SLC5A4: variants seen among roughly 807,000 people sequenced by gnomAD.
SLC5A4 encodes probable glucose sensor protein SLC5A4.
A neutral mutation model predicts 70.3 loss-of-function variants in SLC5A4; 55 were observed. The observed-to-expected ratio is 0.78, with a 90% CI of 0.63 to 0.98. SLC5A4 has a LOEUF of 0.98. SLC5A4 is among the 50% of genes least tolerant of loss of function. The pLI, the probability that SLC5A4 is intolerant of heterozygous loss-of-function variation, is 0.00. For synonymous variants in SLC5A4, 268 were observed against 305.7 expected (o/e 0.88, Z 1.29); for missense variants, 735 against 839.2 (o/e 0.88, Z 1.53).
At chr22:32,255,802 G>A (rs1481170663), upstream of SLC5A4, among the ~76,000 whole-genome samples, 1 of 152,168 alleles carries the variant, frequency 6.6e-6, no homozygotes, top group Non-Finnish European at 1.5e-5. Flanking sequence ...GGATTCCAAA[G>A]TCCCACATTT....
the SLC5A4 span, among the ~76,000 whole-genome samples, chr22:32,331,983 T>C: frequency 6.6e-6 from 1 of 152,052 alleles, no homozygotes; most frequent in Non-Finnish European, 1.5e-5. Flanking sequence ...CCCAGGCTGC[T>C]CAGCCCAGGG....
At chr22:32,312,327 C>A in the SLC5A4 span, among the ~76,000 whole-genome samples, 354 of 151,166 alleles carry the variant, frequency 2.3e-3, 1 homozygote, top group African/African-American at 8.1e-3. Flanking sequence ...TAAAAACCAA[C>A]CAACCAAACA....
chr22:32,338,063 T>A, the SLC5A4 span, among the ~76,000 whole-genome samples: 1 of 152,340 alleles, frequency 6.6e-6, no homozygotes, highest in African/African-American at 2.4e-5. Flanking sequence ...CTTGTTTTAA[T>A]GCAAATTAGG....
chr22:32,243,711 T>C (rs1926662732), intron 5 of SLC5A4, among the ~76,000 whole-genome samples: 1 of 152,168 alleles, frequency 6.6e-6, no homozygotes, highest in African/African-American at 2.4e-5. Flanking sequence ...TATGTAACAA[T>C]TTCAAATAGT....
At chr22:32,220,718 C>T (rs1242150383) in intron 14 of SLC5A4, among the ~76,000 whole-genome samples, 1 of 152,154 alleles carries the variant, frequency 6.6e-6, no homozygotes, top group Non-Finnish European at 1.5e-5. Flanking sequence ...GATGGGTGGA[C>T]AAACCAACCA....
At chr22:32,338,214 C>A in the SLC5A4 span, among the ~76,000 whole-genome samples, 1 of 152,170 alleles carries the variant, frequency 6.6e-6, no homozygotes, top group Non-Finnish European at 1.5e-5. Context: ...CACCAAGGAA[C>A]TGAAACGTGG....
At chr22:32,312,431 TGGAG>T in the SLC5A4 span, among the ~76,000 whole-genome samples, 2 of 151,810 alleles carry the variant, frequency 1.3e-5, no homozygotes, top group Non-Finnish European at 2.9e-5. Context: ...GGGCCGCTAT[TGGAG>T]GGAGCAGGGG....
At position 32,225,956 on chromosome 22, in the gene SLC5A4, A is replaced by T. The variant is rs1445263904; in HGVS notation, c.1281-133T>A. On this transcript the variant is annotated intron_variant, in intron 11 of 14. Transcript: ENST00000266086. ...ACAAAATCAAGCTCCTTGATCATAC[A>T]TAAACCCATGCTGTGCTTAATGGTG... The T allele has an allele frequency of 4.9e-6, 3 of 611,248 alleles. No individual in the cohort carries two copies. In the African/African-American group the frequency reaches 5.6e-5, roughly 11 times the overall value. 37.9% of individuals were successfully genotyped at this position (611,248 alleles called of 1,614,324 possible).
At chr22:32,322,322 G>A in the SLC5A4 span, among the ~76,000 whole-genome samples, 1 of 152,210 alleles carries the variant, frequency 6.6e-6, no homozygotes, top group Non-Finnish European at 1.5e-5. Flanking sequence ...AGGGGCAGTG[G>A]CTCACGCCTG....
chr22:32,324,432 C>G, the SLC5A4 span, among the ~76,000 whole-genome samples: 4 of 152,124 alleles, frequency 2.6e-5, no homozygotes, highest in South Asian at 2.1e-4. Flanking sequence ...ACCAACAGGA[C>G]TCTTACCGCT....
chr22:32,252,002 G>T (rs978736630), intron 2 of SLC5A4, 128 bp from the exon 3 acceptor site: 12 of 630,386 alleles, frequency 1.9e-5, no homozygotes, highest in Non-Finnish European at 3.4e-5. Flanking sequence ...GGCTGAGGCG[G>T]GTGGATCACA....
chr22:32,306,267 C>T, the SLC5A4 span, among the ~76,000 whole-genome samples: 1 of 152,072 alleles, frequency 6.6e-6, no homozygotes, highest in African/African-American at 2.4e-5. Flanking sequence ...AGATCGAGAC[C>T]ATCCTAGCTA....
At chr22:32,269,919 C>A in the SLC5A4 span, 1 of 544,484 alleles carries the variant, frequency 1.8e-6, no homozygotes, top group Non-Finnish European at 3.6e-6. This position sits in a 1 kb window ranked among gnomAD's most constrained non-coding sequence, Gnocchi z 4.1. Context: ...CCAGCGTCCT[C>A]ACCACCAGCA....
At chr22:32,301,842 CAA>C in the SLC5A4 span, among the ~76,000 whole-genome samples, 97 of 147,902 alleles carry the variant, frequency 6.6e-4, 1 homozygote, top group East Asian at 2.6e-3. Context: ...ATTTAAAGTA[CAA>C]AAAAAAAAAA....
the SLC5A4 span, among the ~76,000 whole-genome samples, chr22:32,326,388 T>C: frequency 6.6e-6 from 1 of 151,578 alleles, no homozygotes; most frequent in Admixed American, 6.6e-5. Flanking sequence ...TCCCAAGTAG[T>C]AGGGATTACA....
At chr22:32,318,828 A>G in the SLC5A4 span, among the ~76,000 whole-genome samples, 322 of 152,126 alleles carry the variant, frequency 2.1e-3, 5 homozygotes, top group African/African-American at 7.3e-3. Context: ...TCCCTGTCCT[A>G]TTCCTCACTC....
the SLC5A4 span, among the ~76,000 whole-genome samples, chr22:32,336,896 G>A: frequency 2.6e-5 from 4 of 152,196 alleles, no homozygotes; most frequent in Non-Finnish European, 4.4e-5. Context: ...CATGGCCTAC[G>A]GCCAGCCTTC....
intron 2 of SLC5A4, among the ~76,000 whole-genome samples, chr22:32,253,237 A>C (rs1189542578): frequency 6.6e-6 from 1 of 152,098 alleles, no homozygotes; most frequent in Non-Finnish European, 1.5e-5. Flanking sequence ...CTGGGCTGAC[A>C]CTCTCCAGGT....
intron 5 of SLC5A4, among the ~76,000 whole-genome samples, chr22:32,239,564 ATATATT>A (rs1926347529): frequency 4.5e-4 from 9 of 20,086 alleles, no homozygotes; most frequent in African/African-American, 6.8e-4. Flanking sequence ...ATATATATAT[ATATATT>A]TATATATATA....
Sources: gnomAD v4.1 joint callset for allele counts (sites outside exome capture counted in the v4.1 genomes callset) on GRCh38, gnomAD v4.1.1 for gene constraint, Gnocchi (gnomAD v3.1) non-coding constraint, MANE v1.5 for transcripts, NCBI Gene and HGNC (gene_info 2026-07-23, HGNC 2026-07-21) for gene names.